The following ZEB1 variants were observed in gnomAD, a reference collection of about 807,000 sequenced individuals.
The protein encoded by ZEB1 is zinc finger E-box binding homeobox 1, also known as zinc finger E-box-binding homeobox 1.
A neutral mutation model predicts 84.9 loss-of-function variants in ZEB1; 21 were observed. The observed-to-expected ratio is 0.25, with a 90% CI of 0.18 to 0.36. ZEB1 has a LOEUF of 0.36. Ranked by LOEUF, ZEB1 falls within the 10% of genes least tolerant of loss-of-function variation. The pLI is 1.00. For synonymous variants in ZEB1, 420 were observed against 471.1 expected, an observed-to-expected ratio of 0.89 and a Z score of 1.41; for missense variants, 1,104 against 1,330.2, an observed-to-expected ratio of 0.83 and a Z score of 2.65.
At chr10:31,369,745 G>C (rs1475777731) in intron 1 of ZEB1, among the ~76,000 whole-genome samples, 1 of 152,132 alleles carries the variant, frequency 6.6e-6, no homozygotes, top group East Asian at 1.9e-4. Flanking sequence ...TCATACAGTA[G>C]TTCTATTTTT....
At chr10:31,486,669 G>C (rs1482401929) in intron 2 of ZEB1, among the ~76,000 whole-genome samples, 1 of 149,742 alleles carries the variant, frequency 6.7e-6, no homozygotes, top group African/African-American at 2.5e-5. Flanking sequence ...TTTTCTAGTT[G>C]AGTTACTTAT....
At chr10:31,483,814 AC>A (rs1409492571) in intron 2 of ZEB1, among the ~76,000 whole-genome samples, 1 of 151,998 alleles carries the variant, frequency 6.6e-6, no homozygotes, top group Non-Finnish European at 1.5e-5. Flanking sequence ...CAACACACTT[AC>A]GATTTAAACA....
chr10:31,402,589 G>C (rs2052262643), intron 1 of ZEB1, among the ~76,000 whole-genome samples: 1 of 151,890 alleles, frequency 6.6e-6, no homozygotes, highest in South Asian at 2.1e-4. Flanking sequence ...AATAAGTATT[G>C]AACTACTAGT....
intron 1 of ZEB1, among the ~76,000 whole-genome samples, chr10:31,407,318 T>C (rs1236622792): frequency 8.9e-5 from 13 of 146,340 alleles, no homozygotes; most frequent in Non-Finnish European, 1.6e-4. Context: ...ATTCTTCAAT[T>C]CCCACCTATG....
chr10:31,486,436 A>G (rs926749331), intron 2 of ZEB1, among the ~76,000 whole-genome samples: 1 of 151,642 alleles, frequency 6.6e-6, no homozygotes, highest in African/African-American at 2.4e-5. Flanking sequence ...GTGTGTTTTC[A>G]TAACAGGTTT....
At chr10:31,484,930 T>C (rs992714913) in intron 2 of ZEB1, among the ~76,000 whole-genome samples, 10 of 151,982 alleles carry the variant, frequency 6.6e-5, no homozygotes, top group Non-Finnish European at 1.3e-4. Flanking sequence ...GCAGCACTTT[T>C]GCAATGATGT....
intron 2 of ZEB1, among the ~76,000 whole-genome samples, chr10:31,482,313 A>G (rs1194230856): frequency 6.6e-6 from 1 of 152,098 alleles, no homozygotes; most frequent in Non-Finnish European, 1.5e-5. Flanking sequence ...ATCAGTGCCC[A>G]GTACGCTTCA....
At chr10:31,452,759 G>GAT (rs1229210389) in intron 1 of ZEB1, among the ~76,000 whole-genome samples, 326 of 149,842 alleles carry the variant, frequency 2.2e-3, no homozygotes, top group African/African-American at 7.9e-3. Flanking sequence ...GAGAGAGAGA[G>GAT]AGAGAGAGAG....
chr10:31,409,186 C>A (rs569688158), intron 1 of ZEB1, among the ~76,000 whole-genome samples: 3 of 152,122 alleles, frequency 2.0e-5, no homozygotes, highest in Admixed American at 6.5e-5. Context: ...CAAATCAAAA[C>A]CACAATGAGA....
At chr10:31,422,188 T>C (rs2056275988) in intron 1 of ZEB1, among the ~76,000 whole-genome samples, 1 of 152,178 alleles carries the variant, frequency 6.6e-6, no homozygotes, top group Admixed American at 6.5e-5. Flanking sequence ...CTTGAAGCCC[T>C]GTAAGTCACT....
At chr10:31,360,013 A>G (rs762278809) in intron 1 of ZEB1, among the ~76,000 whole-genome samples, 11 of 152,314 alleles carry the variant, frequency 7.2e-5, no homozygotes, top group Non-Finnish European at 1.2e-4. Flanking sequence ...TCAAAGCTTG[A>G]TATTAATTCT....
At chr10:31,348,336 G>T (rs895030834) in intron 1 of ZEB1, among the ~76,000 whole-genome samples, 1 of 152,080 alleles carries the variant, frequency 6.6e-6, no homozygotes, top group African/African-American at 2.4e-5. Context: ...GGCTGAGGTG[G>T]GTGGATCACT....
At chr10:31,467,647 G>T (rs1246890283) in intron 2 of ZEB1, among the ~76,000 whole-genome samples, 1 of 152,124 alleles carries the variant, frequency 6.6e-6, no homozygotes, top group Non-Finnish European at 1.5e-5. Context: ...AAATCCACTG[G>T]CCTGGTCTCA....
At chr10:31,465,553 C>T (rs1564977103) in intron 2 of ZEB1, among the ~76,000 whole-genome samples, 1 of 151,934 alleles carries the variant, frequency 6.6e-6, no homozygotes, top group African/African-American at 2.4e-5. Context: ...GTAGTTTTTA[C>T]TTATCAATAA....
intron 2 of ZEB1, among the ~76,000 whole-genome samples, chr10:31,474,352 A>C (rs1476629156): frequency 6.6e-6 from 1 of 151,852 alleles, no homozygotes. Context: ...ATGAACTCCA[A>C]CAAATTTACA....
Position 31,498,789 on chromosome 10 carries a change from G to A in ZEB1, c.322+2951G>A, listed in dbSNP as rs79081501. 6.1e-4 allele frequency among the ~76,000 whole-genome samples: 92 copies of A among 151,870 alleles called. No homozygotes were observed. In the East Asian group the frequency reaches 0.015, roughly 24 times the overall value. ...AATATGAAAATGCTCTTTAAGAAAT[G>A]TTGTGTCATAATATTTACTTTTTGA... On this transcript the variant is annotated intron_variant, in intron 3 of 8. Coordinates refer to ENST00000424869, the MANE Select transcript of ZEB1 (RefSeq NM_001174096.2).
chr10:31,453,132 T>C (rs966116724), intron 1 of ZEB1, among the ~76,000 whole-genome samples: 1 of 152,116 alleles, frequency 6.6e-6, no homozygotes, highest in Middle Eastern at 3.2e-3. Flanking sequence ...AGGGGCTTGA[T>C]GGCAATGAGT....
At chr10:31,327,096 TTTC>T (rs1324390808) in intron 1 of ZEB1, among the ~76,000 whole-genome samples, 101 of 141,458 alleles carry the variant, frequency 7.1e-4, no homozygotes, top group African/African-American at 2.4e-3. Flanking sequence ...TTTCTTTTCT[TTTC>T]TTTTTTTTTT....
At chr10:31,440,450 A>C (rs2058792339) in intron 1 of ZEB1, among the ~76,000 whole-genome samples, 1 of 152,224 alleles carries the variant, frequency 6.6e-6, no homozygotes, top group Non-Finnish European at 1.5e-5. Flanking sequence ...AACCAATATC[A>C]TACTGAATGG....
Sources: allele counts gnomAD v4.1 joint callset (sites outside exome capture counted in the v4.1 genomes callset), GRCh38; gene constraint gnomAD v4.1.1; transcripts MANE v1.5; gene names NCBI Gene and HGNC (gene_info 2026-07-23, HGNC 2026-07-21).